Variants in FKBP9 observed in about 807,000 individuals in gnomAD.
FKBP9 encodes the protein FKBP prolyl isomerase 9, also known as peptidyl-prolyl cis-trans isomerase FKBP9.
A neutral mutation model predicts 55.6 loss-of-function variants in FKBP9; 27 were observed. That is an observed-to-expected ratio of 0.49 (90% CI 0.36 to 0.67). The LOEUF (loss-of-function observed/expected upper bound fraction) is 0.67, where lower values mean the gene tolerates loss of function less well. FKBP9 is among the 30% of genes least tolerant of loss of function. FKBP9 has a pLI of 0.00. For synonymous variants in FKBP9, 267 were observed against 296.5 expected (o/e 0.90, Z 1.02); for missense variants, 539 against 742.8 (o/e 0.73, Z 3.19).
At chr7:32,974,097 G>C (rs1454214208) in intron 1 of FKBP9, among the ~76,000 whole-genome samples, 1 of 151,404 alleles carries the variant, frequency 6.6e-6, no homozygotes, top group Non-Finnish European at 1.5e-5. Flanking sequence ...TCAAACTCTT[G>C]GGCTCAAGCG....
At chr7:32,968,912 C>T (rs935981747) in intron 1 of FKBP9, among the ~76,000 whole-genome samples, 6 of 151,862 alleles carry the variant, frequency 4.0e-5, no homozygotes, top group African/African-American at 1.5e-4. Flanking sequence ...CCCACCTCAG[C>T]CTCCCAAAGT....
At chr7:32,984,754 T>C (rs1056788752) in intron 5 of FKBP9, among the ~76,000 whole-genome samples, 1 of 152,264 alleles carries the variant, frequency 6.6e-6, no homozygotes, top group African/African-American at 2.4e-5. Flanking sequence ...GTGGTATCAC[T>C]GTGACAGGAA....
In FKBP9 at chr7:32,957,553, G is replaced by C; in HGVS notation, c.-21G>C. ...CGCCCGAGCGCCGCGCTGCGTCCGC[G>C]CCACTCTTCTCGCCGCCCCGATGGC... is the stretch of plus-strand genomic sequence containing the variant. On this transcript the variant is annotated 5_prime_UTR_variant, in exon 1 of 10. Transcript: ENST00000242209. 1 of 1,422,538 alleles carries C rather than the reference G, an allele frequency of 7.0e-7. No individual in the cohort carries two copies. The highest frequency in any genetic ancestry group is 9.1e-7 in the Non-Finnish European group (1 of 1,096,142). The allele number at this position is 1,422,538 out of a possible 1,614,324, so 88.1% of individuals were successfully genotyped here. A position where few individuals can be genotyped will look rare whatever the true frequency, so the allele number is the denominator to read the frequency against.
intron 5 of FKBP9, among the ~76,000 whole-genome samples, chr7:32,981,880 G>C (rs1360388210): frequency 7.0e-6 from 1 of 143,752 alleles, no homozygotes; most frequent in Non-Finnish European, 1.5e-5. Context: ...CTGGGCAACA[G>C]AGCGAGACTC....
chr7:32,976,449 A>C lies in FKBP9; in HGVS notation c.653A>C (p.Lys218Thr). Residue 218 changes from lysine to threonine, a missense_variant, in exon 4 of 10, where the codon AAG becomes ACG. Lys to Thr is a moderately conservative substitution (Grantham distance 78). Around this residue, in one of 4 missense-constraint regions of FKBP9, gnomAD observed 29 missense variants for 65.3 expected, o/e 0.44. Transcript: ENST00000242209. ...CTGCTGGGGATGTGTGTGGGTGAGA[A>C]GCGCATCATCACCATTCCTCCTTTT... is the stretch of plus-strand genomic sequence containing the variant. ...KGLLGMCVGE[K>T]RIITIPPFLA... 6.2e-7 allele frequency: 1 copy of C among 1,613,670 alleles called. No individual in the cohort carries two copies.
chr7:32,961,207 T>A (rs4723225), intron 1 of FKBP9, among the ~76,000 whole-genome samples: 1 of 152,114 alleles, frequency 6.6e-6, no homozygotes, highest in Non-Finnish European at 1.5e-5. Flanking sequence ...CCAAGGATGA[T>A]GAAAATTCAC....
chr7:33,005,394 A>G lies in FKBP9; in HGVS notation c.*43A>G. On this transcript the variant is annotated 3_prime_UTR_variant, in exon 10 of 10. Transcript: ENST00000242209. ...TGGTGCCAGGGAGTACGTGACACCA[A>G]GCCACCTGTGTGGCAAGACGTGCAG... 6.2e-7 allele frequency: 1 copy of G among 1,606,610 alleles called. No individual in the cohort carries two copies. Among genetic ancestry groups the G allele is most frequent in the Non-Finnish European group, 8.5e-7 (1 of 1,174,880 alleles).
At position 32,983,383 on chromosome 7, in the gene FKBP9, C is replaced by T. The variant is rs563741503; in HGVS notation, c.893+2830C>T. ...AGGCTGGAATGCAGTGGTGTGACCT[C>T]GGCTCACTGCAACCTCCACCTGCTG... On this transcript the variant is annotated intron_variant, in intron 5 of 9. Coordinates refer to ENST00000242209, the MANE Select transcript of FKBP9 (RefSeq NM_007270.5). 4.0e-5 allele frequency among the ~76,000 whole-genome samples: 6 copies of T among 150,290 alleles called. No individual in the cohort carries two copies. In the South Asian group the frequency reaches 6.3e-4, roughly 16 times the overall value.
intron 8 of FKBP9, chr7:33,001,854 T>A (rs920359652): frequency 1.3e-5 from 2 of 150,866 alleles, no homozygotes; most frequent in African/African-American, 4.8e-5. Flanking sequence ...GCTTTCAAAC[T>A]TTTTTCCACA....
intron 4 of FKBP9, chr7:32,979,592 G>A: frequency 1.3e-6 from 2 of 1,542,158 alleles, no homozygotes; most frequent in South Asian, 2.4e-5. Context: ...AGGTAAAACT[G>A]AGGGATTGGT....
At chr7:32,965,843 A>ATATATG (rs1309792242) in intron 1 of FKBP9, among the ~76,000 whole-genome samples, 6 of 41,422 alleles carry the variant, frequency 1.4e-4, no homozygotes, top group African/African-American at 5.9e-4. Flanking sequence ...ATATATATAT[A>ATATATG]TGTGTGTACA....
intron 1 of FKBP9, among the ~76,000 whole-genome samples, chr7:32,966,117 T>C (rs1784141985): frequency 7.3e-6 from 1 of 136,658 alleles, no homozygotes; most frequent in South Asian, 2.4e-4. Flanking sequence ...TGCTTGAACA[T>C]GAGAAGCAGA....
chr7:32,963,398 T>C (rs1442288320), intron 1 of FKBP9: 1 of 396,836 alleles, frequency 2.5e-6, no homozygotes, highest in Non-Finnish European at 4.4e-6. Context: ...CTGTTCAGAA[T>C]CTTGTGAAGG....
At chr7:32,979,714 A>T in intron 4 of FKBP9, 1 of 741,544 alleles carries the variant, frequency 1.3e-6, no homozygotes, top group South Asian at 1.5e-5. Flanking sequence ...TGTGGATTTC[A>T]TTTTGCAGAT....
intron 4 of FKBP9, among the ~76,000 whole-genome samples, chr7:32,978,286 G>A (rs1458053723): frequency 6.6e-6 from 1 of 151,442 alleles, no homozygotes; most frequent in African/African-American, 2.4e-5. Flanking sequence ...ATTAGGGGTG[G>A]AATTCCCTAC....
At chr7:32,976,637 C>A in intron 4 of FKBP9, 138 bp downstream of exon 4, 1 of 1,242,396 alleles carries the variant, frequency 8.0e-7, no homozygotes, top group South Asian at 1.6e-5. Flanking sequence ...CCACTAGCTA[C>A]ATGTGGCTAT....
intron 1 of FKBP9, among the ~76,000 whole-genome samples, chr7:32,965,394 G>A (rs961130920): frequency 5.3e-5 from 8 of 151,972 alleles, no homozygotes; most frequent in South Asian, 2.1e-4. Flanking sequence ...GCCTCCCAAC[G>A]TGCTGGGATT....
intron 4 of FKBP9, among the ~76,000 whole-genome samples, chr7:32,977,803 T>TTA (rs879432629): frequency 0.036 from 4,442 of 122,730 alleles, 183 homozygotes; most frequent in East Asian, 0.17. Context: ...ATATATATAC[T>TTA]TATATATATA....
chr7:32,975,059 T>C (rs1229659343), intron 2 of FKBP9, 123 bp from the exon 3 acceptor site: 69 of 760,518 alleles, frequency 9.1e-5, no homozygotes, highest in Non-Finnish European at 6.4e-6. Flanking sequence ...CATTTTGGGA[T>C]TGTATAGCGG....
Sources: gnomAD v4.1 joint callset for allele counts (sites outside exome capture counted in the v4.1 genomes callset) on GRCh38, gnomAD v4.1.1 for gene constraint, gnomAD v4.1.1 regional missense constraint, MANE v1.5 for transcripts, NCBI Gene and HGNC (gene_info 2026-07-23, HGNC 2026-07-21) for gene names.